CD180: variants seen among roughly 807,000 people sequenced by gnomAD.
The protein encoded by CD180 is CD180 molecule, also known as CD180 antigen.
CD180 carries 11 observed loss-of-function variants against 10.7 expected under a neutral mutation model. The ratio of observed to expected loss-of-function variants is 1.03; its 90% CI spans 0.65 to 1.70. The LOEUF is 1.70. Among genes scored for constraint, CD180 ranks in the 40% most tolerant of loss-of-function variants. The probability of loss-of-function intolerance (pLI) is 0.00; values close to 1 mark genes in which losing one functional copy is unlikely to be tolerated. For missense variants in CD180, 729 were observed against 775.2 expected, an observed-to-expected ratio of 0.94 and a Z score of 0.71; for synonymous variants, 286 against 294.6, an observed-to-expected ratio of 0.97 and a Z score of 0.30.
rs771003235 is a variant in CD180 at position 67,182,667 on chromosome 5, G to A, written c.*190C>T. 5.6e-6 allele frequency: 3 copies of A among 536,700 alleles called. No homozygotes were observed. Among genetic ancestry groups the A allele is most frequent in the Non-Finnish European group, 9.9e-6 (3 of 303,404 alleles). The allele number at this position is 536,700 out of a possible 1,614,324, so 33.2% of individuals were successfully genotyped here. On this transcript the variant is annotated 3_prime_UTR_variant, in exon 3 of 3. Coordinates refer to ENST00000256447, the MANE Select transcript of CD180 (RefSeq NM_005582.3). ...GACCCTCTGGACTGAGTCATTCGGT[G>A]TACTTGCCTAGAAGGTTCTTTAGCT...
At chr5:67,194,621 G>A (rs935079489) in intron 1 of CD180, among the ~76,000 whole-genome samples, 1 of 152,188 alleles carries the variant, frequency 6.6e-6, no homozygotes, top group Non-Finnish European at 1.5e-5. Flanking sequence ...TCTCCCACCT[G>A]GCGTGGCCAG....
chr5:67,180,473 A>G lies in CD180; in HGVS notation c.*2384T>C, dbSNP rs547476602. 1 of 152,280 alleles carries G rather than the reference A, an allele frequency of 6.6e-6. No individual in the cohort carries two copies. Among genetic ancestry groups the G allele is most frequent in the South Asian group, 2.1e-4 (1 of 4,824 alleles). 9.4% of individuals were successfully genotyped at this position (152,280 alleles called of 1,614,324 possible). ...AGAGTTTGGACCTTCCACATTTTAC[A>G]TGGAATCATTTGGCTGGGAACCCTG... On this transcript the variant is annotated 3_prime_UTR_variant, in exon 3 of 3. Coordinates refer to ENST00000256447, the MANE Select transcript of CD180 (RefSeq NM_005582.3).
At chr5:67,188,123 T>C (rs924912782) in intron 1 of CD180, among the ~76,000 whole-genome samples, 5 of 151,478 alleles carry the variant, frequency 3.3e-5, no homozygotes, top group African/African-American at 1.2e-4. Flanking sequence ...TGAGCCAAGA[T>C]TGCACCACTG....
rs377648375 is a variant in CD180, at chr5:67,183,938, T to C, written c.905A>G (p.Glu302Gly). 1.2e-6 allele frequency: 2 copies of C among 1,614,068 alleles called. No individual in the cohort carries two copies. Among genetic ancestry groups the C allele is most frequent in the African/African-American group, 2.7e-5 (2 of 74,918 alleles). Residue 302 changes from glutamate to glycine, a missense_variant, in exon 3 of 3, where the codon GAA becomes GGA. Transcript: ENST00000256447. ...CAAGTGAGTTGCTGTCAGATCCAAT[T>C]CTTGGAGTTGGGTGAAGCACTGAAA... is the stretch of plus-strand genomic sequence containing the variant. The part of the protein sequence containing the change: ...TTFQCFTQLQ[E>G]LDLTATHLKG...
chr5:67,184,054 A>G lies in CD180; in HGVS notation c.789T>C (p.Ile263=). ...AGAGTCCCTTGAGCATGGCTGAACT[A>G]ATATCTTCGTCATCAATGTCCTCAA... ...GTFEDIDDED[I]SSAMLKGLCE... is the part of the protein sequence containing the mutation. The change falls in exon 3 of 3, where the codon ATT becomes ATC. Residue 263 remains isoleucine, a synonymous_variant. Transcript: ENST00000256447. The G allele has an allele frequency of 6.2e-7, 1 of 1,614,176 alleles. No individual in the cohort carries two copies. Among genetic ancestry groups the G allele is most frequent in the Non-Finnish European group, 8.5e-7 (1 of 1,180,022 alleles).
intron 1 of CD180, among the ~76,000 whole-genome samples, chr5:67,192,012 G>A (rs1286296872): frequency 1.3e-5 from 2 of 152,102 alleles, no homozygotes; most frequent in Non-Finnish European, 1.5e-5. Context: ...ATAATATCAC[G>A]GTCTTGAGGT....
intron 1 of CD180, among the ~76,000 whole-genome samples, chr5:67,195,583 A>G (rs1742385489): frequency 6.6e-6 from 1 of 152,116 alleles, no homozygotes; most frequent in Non-Finnish European, 1.5e-5. Flanking sequence ...TTCATTTCTC[A>G]TTGGCATGAT....
chr5:67,196,307 T>C (rs1742402938), intron 1 of CD180, among the ~76,000 whole-genome samples: 1 of 152,182 alleles, frequency 6.6e-6, no homozygotes, highest in African/African-American at 2.4e-5. Context: ...CACTTGGGAT[T>C]ATTTGGGTGG....
Position 67,183,955 on chromosome 5 carries a change from G to A in CD180, c.888C>T (p.Cys296=). 6.2e-7 allele frequency: 1 copy of A among 1,614,184 alleles called. No homozygotes were observed. The highest frequency in any genetic ancestry group is 8.5e-7 in the Non-Finnish European group (1 of 1,180,040). ...GATCCAATTCTTGGAGTTGGGTGAAGCACTGAAATGTGGTGGATGAGATGT... is the reference window on the plus strand; with the variant it reads ...GATCCAATTCTTGGAGTTGGGTGAAACACTGAAATGTGGTGGATGAGATGT... ...FSDISSTTFQ[C]FTQLQELDLT... The change falls in exon 3 of 3, where the codon TGC becomes TGT. Residue 296 remains cysteine (C), a synonymous_variant. Transcript: ENST00000256447.
intron 1 of CD180, among the ~76,000 whole-genome samples, chr5:67,186,876 A>AAG (rs554168576): frequency 0.038 from 4,803 of 125,952 alleles, 203 homozygotes; most frequent in African/African-American, 0.12. Flanking sequence ...GTGTGTGTGA[A>AAG]AGAGAGAGAG....
chr5:67,185,325 ACAC>A (rs1561235186), intron 2 of CD180, among the ~76,000 whole-genome samples: 12 of 147,692 alleles, frequency 8.1e-5, no homozygotes, highest in Admixed American at 2.7e-4. Context: ...ACACACACAC[ACAC>A]GCAGTATAGC....
Position 67,196,437 on chromosome 5 carries a change from T to G in CD180, c.90+115A>C, listed in dbSNP as rs1236694101. ...ATGAAAAAATTATATATACACCTTA[T>G]TTCCTTTTTAAAGACACTAGATATT... On this transcript the variant is annotated intron_variant, in intron 1 of 2. Transcript: ENST00000256447. 1.1e-4 allele frequency: 102 copies of G among 945,504 alleles called. No individual in the cohort carries two copies. The East Asian group carries it at 2.4e-3, about 22-fold the overall frequency. 58.6% of individuals were successfully genotyped at this position (945,504 alleles called of 1,614,324 possible).
rs1742113121 is a variant in CD180, at chr5:67,183,765, G to A, written c.1078C>T (p.His360Tyr). The A allele has an allele frequency of 1.9e-6, 3 of 1,614,208 alleles. No individual in the cohort carries two copies. Among genetic ancestry groups the A allele is most frequent in the Non-Finnish European group, 2.5e-6 (3 of 1,180,042 alleles). Residue 360 changes from histidine to tyrosine, a missense_variant, in exon 3 of 3, where the codon CAC (histidine) becomes TAC (tyrosine). His to Tyr is a moderately conservative substitution (Grantham distance 83, BLOSUM62 2). Transcript: ENST00000256447. Reference protein sequence around the residue: ...LYIRGNVKKLHLGVGCLEKLG... With the variant: ...LYIRGNVKKLYLGVGCLEKLG... ...TTCTCCAAGCAGCCAACACCAAGGTGAAGTTTCTTCACGTTGCCTCTGATG... is the reference window on the plus strand; with the variant it reads ...TTCTCCAAGCAGCCAACACCAAGGTAAAGTTTCTTCACGTTGCCTCTGATG...
intron 1 of CD180, 34 bp from the exon 2 acceptor site, chr5:67,186,051 C>T: frequency 7.3e-7 from 1 of 1,371,294 alleles, no homozygotes; most frequent in Non-Finnish European, 9.9e-7. Context: ...TAATATTAGA[C>T]TTAATAATTT....
intron 1 of CD180, among the ~76,000 whole-genome samples, chr5:67,188,963 C>A (rs1160952280): frequency 1.3e-5 from 2 of 152,164 alleles, no homozygotes; most frequent in African/African-American, 4.8e-5. Context: ...GGGGAAAAAA[C>A]CACGTGTTGC....
chr5:67,182,206 C>T lies in CD180; in HGVS notation c.*651G>A, dbSNP rs1460345513. 1 of 152,140 alleles carries T rather than the reference C, an allele frequency of 6.6e-6. No homozygotes were observed. Among genetic ancestry groups the T allele is most frequent in the Non-Finnish European group, 1.5e-5 (1 of 68,040 alleles). The allele number at this position is 152,140 out of a possible 1,614,324, so 9.4% of individuals were successfully genotyped here. ...TCTATTTTTTATAGCCATTCACACC[C>T]TAGGGGCATTACAGAGACCTTACAG... On this transcript the variant is annotated 3_prime_UTR_variant, in exon 3 of 3. Transcript: ENST00000256447.
At chr5:67,195,060 T>G (rs890527378) in intron 1 of CD180, among the ~76,000 whole-genome samples, 1 of 152,196 alleles carries the variant, frequency 6.6e-6, no homozygotes, top group Non-Finnish European at 1.5e-5. Context: ...GCCATCTGCA[T>G]GCCAGGGAGC....
chr5:67,184,008 G>C lies in CD180; in HGVS notation c.835C>G (p.Leu279Val). The C allele has an allele frequency of 6.2e-7, 1 of 1,614,084 alleles. No individual in the cohort carries two copies. Among genetic ancestry groups the C allele is most frequent in the South Asian group, 1.1e-5 (1 of 91,072 alleles). ...GAGAAGCGGTGTTCCTGCAGGTTGA[G>C]GCTCTCAACAGACATTTCACAGAGT... is the stretch of plus-strand genomic sequence containing the variant. ...KGLCEMSVES[L>V]NLQEHRFSDI... Residue 279 changes from leucine (L) to valine (V), a missense_variant, in exon 3 of 3, where the codon CTC (leucine) becomes GTC (valine). Coordinates refer to ENST00000256447, the MANE Select transcript of CD180 (RefSeq NM_005582.3).
intron 1 of CD180, among the ~76,000 whole-genome samples, chr5:67,187,942 T>C (rs897836893): frequency 8.6e-5 from 13 of 152,038 alleles, no homozygotes; most frequent in Admixed American, 2.0e-4. Flanking sequence ...GTGGCCGAGG[T>C]AGGCAGATCA....
Sources: gnomAD v4.1 joint callset for allele counts (sites outside exome capture counted in the v4.1 genomes callset) on GRCh38, gnomAD v4.1.1 for gene constraint, MANE v1.5 for transcripts, NCBI Gene and HGNC (gene_info 2026-07-23, HGNC 2026-07-21) for gene names.